TTC3: variants seen among roughly 807,000 people sequenced by gnomAD.
The protein encoded by TTC3 is E3 ubiquitin-protein ligase TTC3.
A neutral mutation model predicts 249.6 loss-of-function variants in TTC3; 180 were observed. That is an observed-to-expected ratio of 0.72 (90% CI 0.64 to 0.82). The LOEUF is 0.82. Ranked by LOEUF, TTC3 falls within the 40% of genes least tolerant of loss-of-function variation. The pLI, the probability that TTC3 is intolerant of heterozygous loss-of-function variation, is 0.00. For missense variants in TTC3, 2,061 were observed against 2,398.4 expected, an observed-to-expected ratio of 0.86 and a Z score of 2.94; for synonymous variants, 717 against 805.0, an observed-to-expected ratio of 0.89 and a Z score of 1.85.
chr21:37,176,974 C>T (rs2082335408), intron 35 of TTC3, among the ~76,000 whole-genome samples: 1 of 152,188 alleles, frequency 6.6e-6, no homozygotes, highest in Non-Finnish European at 1.5e-5. Context: ...GAGTGACTCC[C>T]AGCCACAAAA....
At chr21:37,126,137 C>A (rs376670748) in exon 15 of TTC3, 1 of 1,611,020 alleles carries the variant, frequency 6.2e-7, no homozygotes, top group Non-Finnish European at 8.5e-7. Context: ...ATTTTCACCA[C>A]CATCAAGTGA....
chr21:37,185,573 G>T, intron 36 of TTC3, 133 bp from the exon 37 acceptor site: 1 of 467,276 alleles, frequency 2.1e-6, no homozygotes. Context: ...TACTAAAAAT[G>T]AAACAAAATG....
chr21:37,188,618 C>G (rs768604027), intron 39 of TTC3, 23 bp downstream of exon 39: 1 of 1,572,404 alleles, frequency 6.4e-7, no homozygotes, highest in South Asian at 1.1e-5. Context: ...CGTGGGTGTT[C>G]TCAGCACGTC....
chr21:37,124,112 CTT>C (rs60916518), intron 13 of TTC3, among the ~76,000 whole-genome samples: 32 of 61,282 alleles, frequency 5.2e-4, no homozygotes, highest in African/African-American at 1.4e-3. Context: ...TTGAACTGTT[CTT>C]TTTTTTTTTT....
intron 10 of TTC3, chr21:37,098,395 CAAGG>C (rs2074156885): frequency 6.5e-6 from 1 of 154,688 alleles, no homozygotes; most frequent in Non-Finnish European, 1.4e-5. Flanking sequence ...GCTAGACACA[CAAGG>C]AAGATCCTTC....
exon 2 of TTC3, chr21:37,087,336 G>A (rs1173165044): frequency 1.2e-6 from 2 of 1,613,930 alleles, no homozygotes; most frequent in East Asian, 2.2e-5. Context: ...GGATGATTGT[G>A]TCTTTGCTGC....
chr21:37,181,238 T>G (rs2082733361), intron 35 of TTC3, among the ~76,000 whole-genome samples: 1 of 152,274 alleles, frequency 6.6e-6, no homozygotes, highest in African/African-American at 2.4e-5. Flanking sequence ...ACTTTGTGCT[T>G]CTTGATACTT....
chr21:37,160,998 G>T, intron 30 of TTC3, 140 bp downstream of exon 30: 1 of 775,424 alleles, frequency 1.3e-6, no homozygotes, highest in Non-Finnish European at 1.9e-6. Context: ...AGATGTTTTG[G>T]CAGTCTTCTA....
At chr21:37,131,858 AAAAC>A (rs2077496080) in intron 16 of TTC3, among the ~76,000 whole-genome samples, 1 of 152,236 alleles carries the variant, frequency 6.6e-6, no homozygotes, top group Admixed American at 6.5e-5. Flanking sequence ...GTACTTTCAG[AAAAC>A]TCCACATCGA....
chr21:37,164,313 C>T lies in TTC3; in HGVS notation c.3335+98C>T. 3 of 1,163,026 alleles carry T rather than the reference C, an allele frequency of 2.6e-6. 1 individual carries two copies. In the South Asian group the frequency reaches 5.6e-5, roughly 22 times the overall value. The allele number at this position is 1,163,026 out of a possible 1,614,324, so 72.0% of individuals were successfully genotyped here. On this transcript the variant is annotated intron_variant, in intron 32 of 45. Transcript: ENST00000355666. ...TTTGTGCCTGTTTTTAGAGATTTTGCCACATTTTACACAAAGTTAATTTAG... is the reference window on the plus strand; with the variant it reads ...TTTGTGCCTGTTTTTAGAGATTTTGTCACATTTTACACAAAGTTAATTTAG...
chr21:37,079,073 T>C (rs1407638324), intron 1 of TTC3, among the ~76,000 whole-genome samples: 1 of 152,230 alleles, frequency 6.6e-6, no homozygotes, highest in Non-Finnish European at 1.5e-5. Flanking sequence ...GTTTTATAGA[T>C]TTAAAACTGT....
Position 37,108,450 on chromosome 21 carries a change from G to A in TTC3, c.900+4G>A, listed in dbSNP as rs2075296402. ...TCTGAAGAACACTTGGCCAAAGGTA[G>A]GTTTCTTCTGTATTTTATATTGAGC... is the stretch of plus-strand genomic sequence containing the variant. On this transcript the variant is annotated splice_donor_region_variant and intron_variant, in intron 11 of 45. Transcript: ENST00000355666. 1.9e-6 allele frequency: 3 copies of A among 1,612,076 alleles called. No individual in the cohort carries two copies. The highest frequency in any genetic ancestry group is 1.7e-5 in the Admixed American group (1 of 59,572).
intron 28 of TTC3, chr21:37,158,216 T>C (rs973922165): frequency 8.1e-6 from 8 of 985,346 alleles, no homozygotes; most frequent in Non-Finnish European, 9.6e-6. Flanking sequence ...AATAAAATGC[T>C]GTCCCGGGAC....
At chr21:37,197,988 C>T (rs2085102575) in exon 44 of TTC3, 2 of 1,613,764 alleles carry the variant, frequency 1.2e-6, no homozygotes, top group East Asian at 4.5e-5. Flanking sequence ...TCACCCAAAA[C>T]CAAGGGGCAG....
intron 10 of TTC3, chr21:37,097,837 G>A: frequency 1.7e-6 from 1 of 595,116 alleles, no homozygotes; most frequent in South Asian, 2.2e-5. Context: ...TGGGAGGGTG[G>A]GAGTGGGGAA....
chr21:37,105,146 G>A (rs988800968), intron 10 of TTC3, among the ~76,000 whole-genome samples: 1 of 152,296 alleles, frequency 6.6e-6, no homozygotes, highest in Admixed American at 6.5e-5. Context: ...CTTAGATTTG[G>A]CAACATGGAC....
At chr21:37,132,641 T>A (rs1409538331) in intron 16 of TTC3, 41 bp from the exon 17 acceptor site, 1 of 1,525,004 alleles carries the variant, frequency 6.6e-7, no homozygotes, top group Middle Eastern at 2.3e-4. Flanking sequence ...AGTAGAACTT[T>A]TATTTTAAAA....
At chr21:37,179,942 C>T (rs747828582) in intron 35 of TTC3, among the ~76,000 whole-genome samples, 5 of 152,216 alleles carry the variant, frequency 3.3e-5, no homozygotes, top group Non-Finnish European at 5.9e-5. Context: ...TCTCTATCAG[C>T]CTACATCAGA....
chr21:37,153,035 C>G, exon 27 of TTC3: 1 of 1,613,932 alleles, frequency 6.2e-7, no homozygotes. Context: ...AAGATTAAAT[C>G]CGGCATACAG....
Sources: gnomAD v4.1 joint callset for allele counts (sites outside exome capture counted in the v4.1 genomes callset) on GRCh38, gnomAD v4.1.1 for gene constraint, MANE v1.5 for transcripts, NCBI Gene and HGNC (gene_info 2026-07-23, HGNC 2026-07-21) for gene names.